Variants in SMC3 observed in about 807,000 individuals in gnomAD.
SMC3 encodes structural maintenance of chromosomes 3.
Under a neutral mutation model 171.8 loss-of-function variants are expected in SMC3, and 20 were observed. The ratio of observed to expected loss-of-function variants is 0.12; its 90% CI spans 0.08 to 0.17. SMC3 has a LOEUF of 0.17. Among genes scored for constraint, SMC3 ranks in the 10% least tolerant of loss-of-function variants. The pLI is 1.00. For synonymous variants in SMC3, 464 were observed against 451.1 expected (o/e 1.03, Z -0.36); for missense variants, 543 against 1,420.4 (o/e 0.38, Z 9.93).
intron 2 of SMC3, among the ~76,000 whole-genome samples, chr10:110,571,341 G>A (rs996664208): frequency 6.6e-6 from 1 of 152,194 alleles, no homozygotes; most frequent in Non-Finnish European, 1.5e-5. Flanking sequence ...GATTTCTAAA[G>A]AAGAGACAGG....
chr10:110,582,223 A>G (rs1030183811), intron 9 of SMC3, 125 bp downstream of exon 9: 1 of 892,124 alleles, frequency 1.1e-6, no homozygotes, highest in Non-Finnish European at 1.8e-6. Flanking sequence ...CTCTCAATGA[A>G]TTTATTAGTC....
In SMC3 at chr10:110,589,940, A is replaced by C; in HGVS notation, c.1458A>C (p.Lys486Asn). 4.3e-6 allele frequency: 7 copies of C among 1,614,058 alleles called. No homozygotes were observed. Among genetic ancestry groups the C allele is most frequent in the Non-Finnish European group, 5.9e-6 (7 of 1,179,990 alleles). Residue 486 changes from lysine (K) to asparagine (N), a missense_variant, in exon 15 of 29, where the codon AAA (lysine) becomes AAC (asparagine). Around this residue, in one of 8 missense-constraint regions of SMC3, gnomAD observed 218 missense variants for 509.6 expected, o/e 0.43. Coordinates refer to ENST00000361804, the MANE Select transcript of SMC3 (RefSeq NM_005445.4). Reference protein sequence around the residue: ...ENAEQQALAAKREDLEKKQQL... With the variant: ...ENAEQQALAANREDLEKKQQL... ...CAGAACAGCAAGCACTTGCTGCTAA[A>C]AGAGAAGATCTTGAAAAGAAGCAAC...
At chr10:110,602,263 T>G (rs909092645) in intron 25 of SMC3, 85 bp downstream of exon 25, 43 of 1,254,076 alleles carry the variant, frequency 3.4e-5, no homozygotes, top group African/African-American at 5.9e-5. Flanking sequence ...TTAAAGCTGT[T>G]TTCCTCATTA....
chr10:110,575,480 C>A, intron 4 of SMC3, 77 bp downstream of exon 4: 1 of 1,053,584 alleles, frequency 9.5e-7, no homozygotes, highest in Non-Finnish European at 1.4e-6. Context: ...GTTAAAAAAG[C>A]ATTTGTTCAA....
intron 20 of SMC3, among the ~76,000 whole-genome samples, chr10:110,598,637 C>A (rs1861337687): frequency 6.6e-6 from 1 of 152,112 alleles, no homozygotes; most frequent in South Asian, 2.1e-4. Context: ...AACTCCTGAC[C>A]TCAGATGATC....
At chr10:110,573,684 T>G (rs1321046498) in intron 2 of SMC3, 23 bp from the exon 3 acceptor site, 1 of 1,528,402 alleles carries the variant, frequency 6.5e-7, no homozygotes. Flanking sequence ...GTAAAATAAC[T>G]TGTACTTTTT....
At chr10:110,598,427 C>T in intron 20 of SMC3, 137 bp downstream of exon 20, 1 of 894,694 alleles carries the variant, frequency 1.1e-6, no homozygotes, top group Non-Finnish European at 1.8e-6. Flanking sequence ...TTTTTGAAGA[C>T]AGAGTCTCTT....
chr10:110,602,790 T>A (rs1273471422), intron 26 of SMC3, 35 bp from the exon 27 acceptor site: 7 of 1,602,238 alleles, frequency 4.4e-6, no homozygotes, highest in Non-Finnish European at 6.0e-6. Context: ...GATTCTGCCC[T>A]TTAGGATATT....
In SMC3 at chr10:110,578,615, T is replaced by C. The variant is rs373000157; in HGVS notation, c.351-13T>C. On this transcript the variant is annotated splice_polypyrimidine_tract_variant and intron_variant, in intron 6 of 28. Coordinates refer to ENST00000361804, the MANE Select transcript of SMC3 (RefSeq NM_005445.4). Reference sequence around the variant, plus strand: ...ATTATTTATCGGAAAGTAATTTCATTGTTTGTCAACAGGAAAAATGATGTG... The same window carrying C: ...ATTATTTATCGGAAAGTAATTTCATCGTTTGTCAACAGGAAAAATGATGTG... 14 of 1,595,386 alleles carry C rather than the reference T, an allele frequency of 8.8e-6. No homozygotes were observed. The highest frequency in any genetic ancestry group is 1.1e-5 in the Non-Finnish European group (13 of 1,166,990).
intron 13 of SMC3, among the ~76,000 whole-genome samples, chr10:110,585,938 C>T (rs1442988482): frequency 6.6e-6 from 1 of 152,106 alleles, no homozygotes; most frequent in Non-Finnish European, 1.5e-5. Context: ...GCTGGGACCA[C>T]AGGCACATGC....
chr10:110,594,735 A>T (rs1297229047), intron 18 of SMC3, among the ~76,000 whole-genome samples: 1 of 151,888 alleles, frequency 6.6e-6, no homozygotes, highest in African/African-American at 2.4e-5. Flanking sequence ...GTTTCTGTAT[A>T]TGTACGTTTT....
Position 110,604,675 on chromosome 10 carries a change from C to G in SMC3, c.*373C>G. 1 of 233,196 alleles carries G rather than the reference C, an allele frequency of 4.3e-6. No individual in the cohort carries two copies. The highest frequency in any genetic ancestry group is 8.5e-6 in the Non-Finnish European group (1 of 118,062). 14.4% of individuals were successfully genotyped at this position (233,196 alleles called of 1,614,324 possible). A position where few individuals can be genotyped will look rare whatever the true frequency, so the allele number is the denominator to read the frequency against. On this transcript the variant is annotated 3_prime_UTR_variant, in exon 29 of 29. Transcript: ENST00000361804. ...GGCTTTTCATTTGTCATAGTCTCTT[C>G]CAGTGAGAACACTAATCAGATTGGA...
At chr10:110,589,514 T>TCCCCCATCCATCTGCAACCA in intron 13 of SMC3, 91 bp from the exon 14 acceptor site, 1 of 811,316 alleles carries the variant, frequency 1.2e-6, no homozygotes, top group East Asian at 2.7e-5. Context: ...TTTGTCCGCC[T>TCCCCCATCCATCTGCAACCA]CCCCCATCCA....
chr10:110,587,845 G>T (rs1861147567), intron 13 of SMC3, among the ~76,000 whole-genome samples: 1 of 152,122 alleles, frequency 6.6e-6, no homozygotes, highest in Admixed American at 6.5e-5. Context: ...AGATAGCCTG[G>T]GGATGAATTA....
intron 2 of SMC3, 141 bp from the exon 3 acceptor site, chr10:110,573,566 T>A: frequency 2.3e-6 from 1 of 434,902 alleles, no homozygotes. Flanking sequence ...TATTGGTTTC[T>A]TTTGTTCACT....
In SMC3 at chr10:110,600,553, A is replaced by G. The variant is rs1554884022; in HGVS notation, c.2535+7A>G. ...CTTGGACCAAGTAGAACAGGTGTGT[A>G]TGTGTTTTTTTTTTTTTTTTTAAGG... On this transcript the variant is annotated splice_region_variant and intron_variant, in intron 22 of 28. Coordinates refer to ENST00000361804, the MANE Select transcript of SMC3 (RefSeq NM_005445.4). The G allele has an allele frequency of 3.4e-6, 4 of 1,193,118 alleles. No individual in the cohort carries two copies. Among genetic ancestry groups the G allele is most frequent in the Admixed American group, 1.7e-5 (1 of 58,122 alleles). 73.9% of individuals were successfully genotyped at this position (1,193,118 alleles called of 1,614,324 possible). A position where few individuals can be genotyped will look rare whatever the true frequency, so the allele number is the denominator to read the frequency against.
intron 1 of SMC3, among the ~76,000 whole-genome samples, chr10:110,568,726 C>T (rs1280478516): frequency 2.0e-5 from 3 of 151,812 alleles, no homozygotes; most frequent in Non-Finnish European, 4.4e-5. Flanking sequence ...AAAAATAAAA[C>T]CCAGCAGCAT....
At chr10:110,599,976 A>G (rs956052252) in intron 21 of SMC3, among the ~76,000 whole-genome samples, 164 bp downstream of exon 21, 2 of 152,198 alleles carry the variant, frequency 1.3e-5, no homozygotes, top group Non-Finnish European at 2.9e-5. Flanking sequence ...TTGTTTTTCT[A>G]AACCAATCTA....
At position 110,604,672 on chromosome 10, in the gene SMC3, C is replaced by CT. The variant is rs1861443001; in HGVS notation, c.*372dup. The CT allele has an allele frequency of 4.2e-6, 1 of 236,620 alleles. No individual in the cohort carries two copies. Among genetic ancestry groups the CT allele is most frequent in the Non-Finnish European group, 8.3e-6 (1 of 120,110 alleles). 14.7% of individuals were successfully genotyped at this position (236,620 alleles called of 1,614,324 possible). A position where few individuals can be genotyped will look rare whatever the true frequency, so the allele number is the denominator to read the frequency against. On this transcript the variant is annotated 3_prime_UTR_variant, in exon 29 of 29. Coordinates refer to ENST00000361804, the MANE Select transcript of SMC3 (RefSeq NM_005445.4). ...TGTGGCTTTTCATTTGTCATAGTCT[C>CT]TTCCAGTGAGAACACTAATCAGATT...
Sources: gnomAD v4.1 joint callset for allele counts (sites outside exome capture counted in the v4.1 genomes callset) on GRCh38, gnomAD v4.1.1 for gene constraint, gnomAD v4.1.1 regional missense constraint, MANE v1.5 for transcripts, NCBI Gene and HGNC (gene_info 2026-07-23, HGNC 2026-07-21) for gene names.